Variants in ADCY10 observed in about 807,000 individuals in gnomAD.
ADCY10 encodes adenylate cyclase type 10.
ADCY10 carries 156 observed loss-of-function variants against 183.3 expected under a neutral mutation model. That is an observed-to-expected ratio of 0.85 (90% confidence interval 0.75 to 0.97). ADCY10 has a LOEUF of 0.97. Ranked by LOEUF, ADCY10 falls within the 50% of genes least tolerant of loss-of-function variation. The probability of loss-of-function intolerance (pLI) is 0.00; values close to 1 mark genes in which losing one functional copy is unlikely to be tolerated. For missense variants in ADCY10, 1,745 were observed against 1,934.3 expected, an observed-to-expected ratio of 0.90 and a Z score of 1.84; for synonymous variants, 645 against 670.0, an observed-to-expected ratio of 0.96 and a Z score of 0.58.
chr1:167,812,106 G>A (rs1266160935), intron 31 of ADCY10, among the ~76,000 whole-genome samples: 2 of 152,152 alleles, frequency 1.3e-5, no homozygotes, highest in Admixed American at 1.3e-4. Context: ...GTGGGAACAA[G>A]GGTGGGCAAA....
intron 21 of ADCY10, among the ~76,000 whole-genome samples, chr1:167,840,940 A>AT (rs377437888): frequency 0.015 from 1,848 of 124,172 alleles, 21 homozygotes; most frequent in Middle Eastern, 0.037. Context: ...GAATAAAATG[A>AT]TTTTTTTTTT....
chr1:167,853,830 CTTTTTTT>C (rs538462140), intron 18 of ADCY10, among the ~76,000 whole-genome samples: 4,003 of 77,122 alleles, frequency 0.052, 234 homozygotes, highest in African/African-American at 0.21. Flanking sequence ...ACTATAGTTA[CTTTTTTT>C]TTTTTTTTTT....
intron 13 of ADCY10, 38 bp from the exon 14 acceptor site, chr1:167,870,448 A>G: frequency 6.5e-7 from 1 of 1,531,686 alleles, no homozygotes; most frequent in Non-Finnish European, 9.0e-7. Context: ...AAACTCAATC[A>G]ACGTAAAATA....
chr1:167,841,842 C>T (rs1290100632), intron 21 of ADCY10, among the ~76,000 whole-genome samples: 2 of 152,216 alleles, frequency 1.3e-5, no homozygotes, highest in African/African-American at 4.8e-5. Context: ...TTTTGTTCAC[C>T]GATGCATTTC....
chr1:167,825,131 A>C (rs1663186669), intron 26 of ADCY10, among the ~76,000 whole-genome samples: 1 of 152,252 alleles, frequency 6.6e-6, no homozygotes, highest in South Asian at 2.1e-4. Context: ...AATAGCTTAC[A>C]TATTAGATGT....
intron 16 of ADCY10, among the ~76,000 whole-genome samples, chr1:167,857,733 A>G (rs994717688): frequency 1.3e-4 from 20 of 152,236 alleles, no homozygotes; most frequent in African/African-American, 4.8e-4. Context: ...GTACTATTGA[A>G]TCTATTTGCT....
At chr1:167,816,495 A>C (rs1662536324) in intron 31 of ADCY10, among the ~76,000 whole-genome samples, 2 of 152,096 alleles carry the variant, frequency 1.3e-5, no homozygotes, top group Non-Finnish European at 1.5e-5. Context: ...GCAGTGAGTC[A>C]AGATCACGCC....
Position 167,848,457 on chromosome 1 carries a change from T to C in ADCY10, c.2341A>G (p.Met781Val). 6.2e-7 allele frequency: 1 copy of C among 1,613,424 alleles called. No homozygotes were observed. Among genetic ancestry groups the C allele is most frequent in the East Asian group, 2.2e-5 (1 of 44,870 alleles). ...YSIKLTEKLN[M>V]VTLHSDKESE... ...TCCTTATCACTATGGAGAGTAACCA[T>C]GTTTAACTTCTCTGTTAGCTTAATG... The change falls in exon 19 of 33, where the codon ATG becomes GTG. Residue 781 changes from methionine (M) to valine (V), a missense_variant. By Grantham distance (21) the Met-to-Val change is conservative. Coordinates refer to ENST00000367851, the MANE Select transcript of ADCY10 (RefSeq NM_018417.6).
At chr1:167,841,349 C>T (rs1378831350) in intron 21 of ADCY10, among the ~76,000 whole-genome samples, 1 of 151,972 alleles carries the variant, frequency 6.6e-6, no homozygotes, top group Non-Finnish European at 1.5e-5. Context: ...AACAGTCTTC[C>T]CCAGCCACTC....
intron 3 of ADCY10, 110 bp downstream of exon 3, chr1:167,903,777 G>A: frequency 1.3e-6 from 1 of 776,480 alleles, no homozygotes; most frequent in Non-Finnish European, 2.3e-6. Flanking sequence ...CATTTCATGG[G>A]GAAGAGGAGG....
At chr1:167,898,500 T>G (rs1412986742) in intron 6 of ADCY10, among the ~76,000 whole-genome samples, 1 of 151,778 alleles carries the variant, frequency 6.6e-6, no homozygotes, top group Non-Finnish European at 1.5e-5. Context: ...CTCGGAAGGT[T>G]GAGGCAGGGA....
intron 21 of ADCY10, among the ~76,000 whole-genome samples, chr1:167,839,974 C>A (rs549354394): frequency 1.3e-5 from 2 of 151,304 alleles, no homozygotes; most frequent in South Asian, 4.2e-4. Context: ...AATCCCAACA[C>A]TTTGGGAGGC....
chr1:167,887,099 G>C (rs1163014685), intron 8 of ADCY10, among the ~76,000 whole-genome samples: 3 of 152,128 alleles, frequency 2.0e-5, no homozygotes, highest in Non-Finnish European at 2.9e-5. Flanking sequence ...CTGTTGGTGG[G>C]ACTGTAAACT....
intron 1 of ADCY10, among the ~76,000 whole-genome samples, 152 bp from the exon 2 acceptor site, chr1:167,905,350 C>T (rs998330426): frequency 6.6e-6 from 1 of 152,214 alleles, no homozygotes; most frequent in African/African-American, 2.4e-5. Context: ...GGGCCAATTT[C>T]TATACAGAGG....
In ADCY10 at chr1:167,836,290, C is replaced by T; in HGVS notation, c.3309+19G>A. On this transcript the variant is annotated intron_variant, in intron 23 of 32. Transcript: ENST00000367851. ...GAATTGTCTCTAGGGTGGAGGTGGT[C>T]TGGGTAGAAACAGCTTACCATGTAG... 6.5e-7 allele frequency: 1 copy of T among 1,546,486 alleles called. No individual in the cohort carries two copies. The highest frequency in any genetic ancestry group is 8.9e-7 in the Non-Finnish European group (1 of 1,119,378).
At chr1:167,906,568 G>C (rs1196902168) in intron 1 of ADCY10, among the ~76,000 whole-genome samples, 1 of 150,376 alleles carries the variant, frequency 6.6e-6, no homozygotes, top group Non-Finnish European at 1.5e-5. Flanking sequence ...CAGGAGTATT[G>C]CTTGAGCCCG....
At chr1:167,832,640 A>G (rs1663830806) in intron 25 of ADCY10, among the ~76,000 whole-genome samples, 1 of 151,910 alleles carries the variant, frequency 6.6e-6, no homozygotes, top group South Asian at 2.1e-4. Context: ...CTTGTGACTG[A>G]GGTCCCAGGA....
At chr1:167,878,706 T>C in intron 11 of ADCY10, 71 bp from the exon 12 acceptor site, 2 of 1,476,842 alleles carry the variant, frequency 1.4e-6, no homozygotes, top group Non-Finnish European at 1.9e-6. Flanking sequence ...TCTGAAACAT[T>C]GTCCCCAAAT....
At chr1:167,896,855 A>G (rs907727634) in intron 6 of ADCY10, among the ~76,000 whole-genome samples, 164 bp from the exon 7 acceptor site, 5 of 152,210 alleles carry the variant, frequency 3.3e-5, no homozygotes, top group Non-Finnish European at 7.3e-5. Flanking sequence ...TAAATTGAAA[A>G]TCTAAAAAAT....
Sources: allele counts gnomAD v4.1 joint callset (sites outside exome capture counted in the v4.1 genomes callset), GRCh38; gene constraint gnomAD v4.1.1; transcripts MANE v1.5; gene names NCBI Gene and HGNC (gene_info 2026-07-23, HGNC 2026-07-21).